HAAO: variants seen among roughly 807,000 people sequenced by gnomAD.
The protein encoded by HAAO is 3-hydroxyanthranilate 3,4-dioxygenase.
Under a neutral mutation model 46.2 loss-of-function variants are expected in HAAO, and 49 were observed. The observed-to-expected ratio is 1.06, with a 90% CI of 0.84 to 1.34. The LOEUF is 1.34. Among genes scored for constraint, HAAO ranks in the 40% most tolerant of loss-of-function variants. The probability of loss-of-function intolerance (pLI) is 0.00; values close to 1 mark genes in which losing one functional copy is unlikely to be tolerated. For synonymous variants in HAAO, 157 were observed against 145.2 expected (o/e 1.08, Z -0.58); for missense variants, 408 against 364.5 (o/e 1.12, Z -0.97).
chr2:42,792,411 GGGAGGAGGC>G, intron 1 of HAAO, 37 bp downstream of exon 1: 1 of 1,093,224 alleles, frequency 9.1e-7, no homozygotes, highest in Non-Finnish European at 1.3e-6. Context: ...ATGGAGGAGG[GGGAGGAGGC>G]GAGGGCAGGG....
intron 2 of HAAO, among the ~76,000 whole-genome samples, chr2:42,785,091 C>G (rs983944758): frequency 1.3e-5 from 2 of 152,166 alleles, no homozygotes; most frequent in Non-Finnish European, 2.9e-5. Context: ...TGCCCTTGGT[C>G]AATTCAGTTA....
Position 42,774,946 on chromosome 2 carries a change from AACAC to A in HAAO, c.351-4368_351-4365del, listed in dbSNP as rs146530543. Among the ~76,000 whole-genome samples the A allele has an allele frequency of 1.7e-3, 262 of 151,362 alleles. 1 individual carries two copies. Among genetic ancestry groups the A allele is most frequent in the Middle Eastern group, 3.4e-3 (1 of 292 alleles). On this transcript the variant is annotated intron_variant, in intron 4 of 9. Transcript: ENST00000294973. The stretch of plus-strand genomic sequence containing the variant: ...GCTAAATTTCCCGTCCCTCCCCACC[AACAC>A]ACACACACACGAAAAGGGCCGGGCA...
intron 7 of HAAO, 86 bp from the exon 8 acceptor site, chr2:42,768,014 G>A: frequency 8.4e-7 from 1 of 1,194,256 alleles, no homozygotes; most frequent in Non-Finnish European, 1.2e-6. Context: ...CACCAGGCCT[G>A]CTTGGAGCAG....
intron 4 of HAAO, chr2:42,782,742 T>C (rs1370017589): frequency 6.8e-6 from 2 of 293,092 alleles, no homozygotes; most frequent in East Asian, 1.1e-4. Flanking sequence ...CTCAAAAGAA[T>C]GTAACCATTT....
chr2:42,790,406 A>G (rs1672701666), intron 1 of HAAO, among the ~76,000 whole-genome samples: 1 of 151,952 alleles, frequency 6.6e-6, no homozygotes, highest in Non-Finnish European at 1.5e-5. Flanking sequence ...AGCTGGGTGC[A>G]GAGGCTCTGA....
In HAAO at chr2:42,769,619, AAG is replaced by A. The variant is rs10535571; in HGVS notation, c.630+92_630+93del. 3,011 of 830,506 alleles carry A rather than the reference AAG, an allele frequency of 3.6e-3. 9 individuals carry two copies. Among genetic ancestry groups the A allele is most frequent in the East Asian group, 0.02 (755 of 37,062 alleles). 51.4% of individuals were successfully genotyped at this position (830,506 alleles called of 1,614,324 possible). ...TGTGTGTGTGTGAGTGTGTGTGTGA[AAG>A]AGAGAGAGAGAGAGGCAGTGAGAGA... On this transcript the variant is annotated intron_variant, in intron 7 of 9. Coordinates refer to ENST00000294973, the MANE Select transcript of HAAO (RefSeq NM_012205.3).
intron 2 of HAAO, 127 bp from the exon 3 acceptor site, chr2:42,783,994 G>T: frequency 6.7e-7 from 1 of 1,486,656 alleles, no homozygotes; most frequent in South Asian, 1.3e-5. Flanking sequence ...TTGATGGGCA[G>T]CTCCGTCACT....
At chr2:42,768,593 C>G (rs745635386) in intron 7 of HAAO, among the ~76,000 whole-genome samples, 1 of 152,120 alleles carries the variant, frequency 6.6e-6, no homozygotes, top group Non-Finnish European at 1.5e-5. Context: ...CATGAGCATC[C>G]CTGCACAGAT....
rs944388409 is a variant in HAAO, at chr2:42,769,813, A to G, written c.530T>C (p.Ile177Thr). 3.1e-6 allele frequency: 5 copies of G among 1,613,752 alleles called. No individual in the cohort carries two copies. The highest frequency in any genetic ancestry group is 3.4e-6 in the Non-Finnish European group (4 of 1,179,966). The change falls in exon 7 of 10, where the codon ATC becomes ACC. Residue 177 changes from isoleucine to threonine, a missense_variant. Ile to Thr is a moderately conservative substitution (Grantham distance 89). Coordinates refer to ENST00000294973, the MANE Select transcript of HAAO (RefSeq NM_012205.3). ...GGCATCCAGGGACATGGGCTCCATG[A>G]TGGATCGTGTGCTCAGAGGGAATGG... is the stretch of plus-strand genomic sequence containing the variant. ...EPPFPLSTRS[I>T]MEPMSLDAWL...
chr2:42,788,643 A>C (rs149770196), intron 1 of HAAO, 36 bp from the exon 2 acceptor site: 2 of 1,264,644 alleles, frequency 1.6e-6, no homozygotes, highest in South Asian at 1.2e-5. Context: ...GTTCTAAACC[A>C]TCTCCTAGGA....
rs193302645 is a variant in HAAO, at chr2:42,792,381, G to A, written c.80+76C>T. On this transcript the variant is annotated intron_variant, in intron 1 of 9. Coordinates refer to ENST00000294973, the MANE Select transcript of HAAO (RefSeq NM_012205.3). Reference sequence around the variant, plus strand: ...AAGCTTCTGGGTCCAGGAACTCGGAGCTGGAAGGTGAGGGCGCAGATGGAG... The same window carrying A: ...AAGCTTCTGGGTCCAGGAACTCGGAACTGGAAGGTGAGGGCGCAGATGGAG... 116 of 768,552 alleles carry A rather than the reference G, an allele frequency of 1.5e-4. No individual in the cohort carries two copies. The African/African-American group carries it at 1.8e-3, about 12-fold the overall frequency. 47.6% of individuals were successfully genotyped at this position (768,552 alleles called of 1,614,324 possible).
rs772107731 is a variant in HAAO at position 42,792,447 on chromosome 2, C to T, written c.80+10G>A. On this transcript the variant is annotated intron_variant, in intron 1 of 9. Transcript: ENST00000294973. ...AGGGCAGGGGGCGGCCATGGGGGTG[C>T]TGGACTCACATGAGCTTGTTGCAGA... The T allele has an allele frequency of 5.1e-6, 8 of 1,553,408 alleles. No homozygotes were observed. The highest frequency in any genetic ancestry group is 6.1e-6 in the Non-Finnish European group (7 of 1,144,066).
chr2:42,772,635 C>A (rs1359609808), intron 4 of HAAO, among the ~76,000 whole-genome samples: 1 of 151,650 alleles, frequency 6.6e-6, no homozygotes, highest in Non-Finnish European at 1.5e-5. Context: ...ATTTTGTTTT[C>A]TTGAGATATA....
rs940100832 is a variant in HAAO, at chr2:42,790,080, A to T, written c.81-1473T>A. Among the ~76,000 whole-genome samples, 4 of 151,990 alleles carry T rather than the reference A, an allele frequency of 2.6e-5. No individual in the cohort carries two copies. In the South Asian group the frequency reaches 8.3e-4, roughly 31 times the overall value. On this transcript the variant is annotated intron_variant, in intron 1 of 9. Coordinates refer to ENST00000294973, the MANE Select transcript of HAAO (RefSeq NM_012205.3). ...GATGGCAGGGGAGGGGCTATGGGGG[A>T]GGTCTGAGCCCCCAAACTAGACTGG...
At chr2:42,787,149 C>T (rs12613026) in intron 2 of HAAO, among the ~76,000 whole-genome samples, 70,483 of 151,934 alleles carry the variant, frequency 0.46, 17,789 homozygotes, top group East Asian at 0.71. Context: ...GGCCAGCTCT[C>T]CTTATCACTC....
chr2:42,770,698 C>T (rs1372059705), intron 4 of HAAO, 116 bp from the exon 5 acceptor site: 4 of 623,316 alleles, frequency 6.4e-6, no homozygotes, highest in Non-Finnish European at 1.1e-5. Flanking sequence ...TGTCTGCTCA[C>T]CCCTGTTACA....
intron 3 of HAAO, 124 bp from the exon 4 acceptor site, chr2:42,783,544 T>C (rs375605300): frequency 1.4e-6 from 1 of 697,582 alleles, no homozygotes; most frequent in East Asian, 2.7e-5. Flanking sequence ...TTGTCTACCC[T>C]GGGCCCTCTT....
intron 4 of HAAO, among the ~76,000 whole-genome samples, chr2:42,782,219 C>G (rs778788829): frequency 6.6e-6 from 1 of 152,088 alleles, no homozygotes; most frequent in African/African-American, 2.4e-5. Context: ...AAACTGAAGC[C>G]TGACAACTTA....
intron 4 of HAAO, among the ~76,000 whole-genome samples, chr2:42,777,695 A>G (rs183595502): frequency 5.3e-5 from 8 of 152,356 alleles, no homozygotes; most frequent in Admixed American, 5.2e-4. Flanking sequence ...GCAATAGGAT[A>G]AATACTTGTA....
Sources: allele counts gnomAD v4.1 joint callset (sites outside exome capture counted in the v4.1 genomes callset), GRCh38; gene constraint gnomAD v4.1.1; transcripts MANE v1.5; gene names NCBI Gene and HGNC (gene_info 2026-07-23, HGNC 2026-07-21).